ABCD3: variants seen among roughly 807,000 people sequenced by gnomAD.
ABCD3 encodes the protein ATP-binding cassette sub-family D member 3.
A neutral mutation model predicts 105.5 loss-of-function variants in ABCD3; 41 were observed. That is an observed-to-expected ratio of 0.39 (90% CI 0.30 to 0.50). The LOEUF (loss-of-function observed/expected upper bound fraction) is 0.50, where lower values mean the gene tolerates loss of function less well. Among genes scored for constraint, ABCD3 ranks in the 20% least tolerant of loss-of-function variants. The pLI, the probability that ABCD3 is intolerant of heterozygous loss-of-function variation, is 0.84. For missense variants in ABCD3, 622 were observed against 806.3 expected (o/e 0.77, Z 2.77); for synonymous variants, 258 against 269.0 (o/e 0.96, Z 0.40).
intron 7 of ABCD3, among the ~76,000 whole-genome samples, chr1:94,476,308 C>G (rs1648736129): frequency 6.6e-6 from 1 of 152,154 alleles, no homozygotes; most frequent in South Asian, 2.1e-4. Context: ...TTCTCCAGTT[C>G]TTATCTTAGT....
chr1:94,495,914 A>C (rs1649775918), intron 16 of ABCD3, among the ~76,000 whole-genome samples: 1 of 152,174 alleles, frequency 6.6e-6, no homozygotes, highest in Admixed American at 6.5e-5. Flanking sequence ...ATTCAATTTT[A>C]TGTGATAAGG....
In ABCD3 at chr1:94,475,757, A is replaced by G; in HGVS notation, c.627+20A>G. 1 of 1,582,536 alleles carries G rather than the reference A, an allele frequency of 6.3e-7. No individual in the cohort carries two copies. The highest frequency in any genetic ancestry group is 8.7e-7 in the Non-Finnish European group (1 of 1,153,836). ...AGTAAGGTAAGTTTCTCTCCTTTTT[A>G]AAAGATTATTTGTTTAATTTTTTGA... On this transcript the variant is annotated intron_variant, in intron 7 of 22. Coordinates refer to ENST00000370214, the MANE Select transcript of ABCD3 (RefSeq NM_002858.4).
In ABCD3 at chr1:94,453,570, G is replaced by C. The variant is rs189988095; in HGVS notation, c.111-5037G>C. Among the ~76,000 whole-genome samples, 681 of 151,900 alleles carry C rather than the reference G, an allele frequency of 4.5e-3. 6 individuals are homozygous for C. Among genetic ancestry groups the C allele is most frequent in the African/African-American group, 0.016 (660 of 41,462 alleles). On this transcript the variant is annotated intron_variant, in intron 1 of 22. Coordinates refer to ENST00000370214, the MANE Select transcript of ABCD3 (RefSeq NM_002858.4). ...CCTGACCTCGTGATCCGCCCACCTCGGCCTCCCAAAGTGCTGGGATTACAG... is the reference window on the plus strand; with the variant it reads ...CCTGACCTCGTGATCCGCCCACCTCCGCCTCCCAAAGTGCTGGGATTACAG...
At chr1:94,514,226 C>T (rs1223873288) in intron 21 of ABCD3, 1 of 151,968 alleles carries the variant, frequency 6.6e-6, no homozygotes, top group Non-Finnish European at 1.5e-5. Flanking sequence ...ACTGTTAATT[C>T]CTAGTTGGGC....
chr1:94,461,322 A>C (rs1647858640), intron 2 of ABCD3, among the ~76,000 whole-genome samples: 1 of 151,990 alleles, frequency 6.6e-6, no homozygotes, highest in Admixed American at 6.6e-5. Context: ...AATTTTCATA[A>C]GACGTGAATT....
intron 8 of ABCD3, chr1:94,478,662 A>G: frequency 1.1e-6 from 1 of 931,582 alleles, no homozygotes; most frequent in Non-Finnish European, 1.5e-6. Context: ...ACAAGCCTGG[A>G]CAAAAAGCGA....
chr1:94,396,715 TA>T, the ABCD3 span, among the ~76,000 whole-genome samples: 3 of 152,192 alleles, frequency 2.0e-5, no homozygotes, highest in Non-Finnish European at 4.4e-5. Flanking sequence ...CTCTGAAAAA[TA>T]CCTGAAATTG....
chr1:94,444,599 C>T (rs1419880964), intron 1 of ABCD3, among the ~76,000 whole-genome samples: 1 of 152,038 alleles, frequency 6.6e-6, no homozygotes, highest in African/African-American at 2.4e-5. Flanking sequence ...TGTTATAAAC[C>T]TTTTCATTTT....
At chr1:94,514,203 T>C (rs1650819684) in intron 21 of ABCD3, 3 of 152,112 alleles carry the variant, frequency 2.0e-5, no homozygotes, top group Admixed American at 2.0e-4. Context: ...GTCCTGGCAC[T>C]ATTGACCTTT....
intron 8 of ABCD3, among the ~76,000 whole-genome samples, chr1:94,479,997 G>A (rs1450459464): frequency 1.3e-5 from 2 of 152,002 alleles, no homozygotes; most frequent in Non-Finnish European, 2.9e-5. Context: ...AAGATGTGTA[G>A]TACTTATTTC....
intron 21 of ABCD3, 63 bp downstream of exon 21, chr1:94,506,705 A>G: frequency 8.3e-7 from 1 of 1,211,424 alleles, no homozygotes; most frequent in East Asian, 2.4e-5. Flanking sequence ...ACTATGTCCA[A>G]ATCTGTCCAA....
chr1:94,400,311 A>G, the ABCD3 span, among the ~76,000 whole-genome samples: 1 of 151,940 alleles, frequency 6.6e-6, no homozygotes, highest in South Asian at 2.1e-4. Flanking sequence ...AGGTTGAGGC[A>G]GGAGAATTGC....
intron 21 of ABCD3, among the ~76,000 whole-genome samples, chr1:94,507,254 T>C (rs1321261150): frequency 8.8e-4 from 134 of 152,194 alleles, no homozygotes; most frequent in African/African-American, 3.1e-3. Flanking sequence ...AGTTTTTTGT[T>C]CTTGCGAAAG....
rs368458934 is a variant in ABCD3 at position 94,450,053 on chromosome 1, A to C, written c.111-8554A>C. On this transcript the variant is annotated intron_variant, in intron 1 of 22. Coordinates refer to ENST00000370214, the MANE Select transcript of ABCD3 (RefSeq NM_002858.4). ...AAAGAACAGATATTTAAAGCAACCC[A>C]GGCACACCTGACCTTAATGCCAGGA... Among the ~76,000 whole-genome samples the C allele has an allele frequency of 3.9e-5, 6 of 152,380 alleles. No homozygotes were observed. The East Asian group carries it at 9.6e-4, about 24-fold the overall frequency.
At chr1:94,490,086 A>G in intron 15 of ABCD3, 111 bp downstream of exon 15, 1 of 1,031,960 alleles carries the variant, frequency 9.7e-7, no homozygotes, top group Non-Finnish European at 1.5e-6. Context: ...CTGCTTTTTT[A>G]AAAAACAGCT....
chr1:94,418,626 G>T, intron 1 of ABCD3, 38 bp downstream of exon 1: 1 of 1,553,522 alleles, frequency 6.4e-7, no homozygotes, highest in Non-Finnish European at 8.7e-7. Context: ...TCCCGGGCTG[G>T]AGCGGGCGCT....
the ABCD3 span, among the ~76,000 whole-genome samples, chr1:94,394,023 C>T: frequency 6.6e-6 from 1 of 152,168 alleles, no homozygotes. Context: ...CCAAAGAGTT[C>T]TTTTCTTTGT....
intron 3 of ABCD3, among the ~76,000 whole-genome samples, chr1:94,466,309 A>G (rs547841132): frequency 2.6e-5 from 4 of 152,302 alleles, no homozygotes; most frequent in African/African-American, 9.6e-5. Context: ...AGTTTCTTAT[A>G]AATTATTCTC....
rs376373959 is a variant in ABCD3, at chr1:94,496,824, G to A, written c.1387-1778G>A. Among the ~76,000 whole-genome samples, 4 of 143,380 alleles carry A rather than the reference G, an allele frequency of 2.8e-5. No individual in the cohort carries two copies. In the East Asian group the frequency reaches 8.5e-4, roughly 31 times the overall value. The allele number at this position is 143,380 out of a possible 152,430, so 94.1% of individuals were successfully genotyped here. On this transcript the variant is annotated intron_variant, in intron 16 of 22. Coordinates refer to ENST00000370214, the MANE Select transcript of ABCD3 (RefSeq NM_002858.4). ...GCTCTGTCGCCCAGGTTGGAGTGCA[G>A]TGGCACGATCTTGGCTCACTGCAAC...
Sources: allele counts gnomAD v4.1 joint callset (sites outside exome capture counted in the v4.1 genomes callset), GRCh38; gene constraint gnomAD v4.1.1; transcripts MANE v1.5; gene names NCBI Gene and HGNC (gene_info 2026-07-23, HGNC 2026-07-21).